TRIM44: variants seen among roughly 807,000 people sequenced by gnomAD.
TRIM44 encodes tripartite motif-containing protein 44.
Under a neutral mutation model 37.4 loss-of-function variants are expected in TRIM44, and 13 were observed. The ratio of observed to expected loss-of-function variants is 0.35; its 90% CI spans 0.23 to 0.55. The LOEUF (loss-of-function observed/expected upper bound fraction) is 0.55, where lower values mean the gene tolerates loss of function less well. TRIM44 is among the 20% of genes least tolerant of loss of function. TRIM44 has a pLI of 0.89. For missense variants in TRIM44, 426 were observed against 437.2 expected, an observed-to-expected ratio of 0.97 and a Z score of 0.23; for synonymous variants, 175 against 157.2, an observed-to-expected ratio of 1.11 and a Z score of -0.85.
At chr11:35,677,922 A>G (rs1407438018) in intron 1 of TRIM44, among the ~76,000 whole-genome samples, 1 of 152,214 alleles carries the variant, frequency 6.6e-6, no homozygotes, top group Admixed American at 6.5e-5. Flanking sequence ...TAAGGATCTG[A>G]GGACTTTTTG....
chr11:35,735,292 G>T, intron 3 of TRIM44, 134 bp from the exon 4 acceptor site: 1 of 821,694 alleles, frequency 1.2e-6, no homozygotes. Context: ...TTAGATGTCT[G>T]TTGGTTTGTC....
rs529493641 is a variant in TRIM44, at chr11:35,710,575, A to G, written c.748-15349A>G. ...ATGGAAGGGAAGGCTAGTTATGGGG[A>G]GATGCCCAGGAAAAGCATAGTAAAC... On this transcript the variant is annotated intron_variant, in intron 2 of 4. Transcript: ENST00000299413. Among the ~76,000 whole-genome samples, 4 of 152,342 alleles carry G rather than the reference A, an allele frequency of 2.6e-5. No homozygotes were observed. The South Asian group carries it at 6.2e-4, about 24-fold the overall frequency.
At chr11:35,685,418 A>G in intron 2 of TRIM44, 82 bp downstream of exon 2, 3 of 1,157,336 alleles carry the variant, frequency 2.6e-6, no homozygotes, top group Non-Finnish European at 2.6e-6. Flanking sequence ...GGTGTTGATG[A>G]TCATCTCTCT....
chr11:35,667,274 TTTACTTA>T (rs1325662917), intron 1 of TRIM44, among the ~76,000 whole-genome samples: 4 of 152,224 alleles, frequency 2.6e-5, no homozygotes, highest in Non-Finnish European at 5.9e-5. Context: ...CATTAATTGA[TTTACTTA>T]TTAAAGTTAA....
At chr11:35,699,439 G>T (rs963946506) in intron 2 of TRIM44, among the ~76,000 whole-genome samples, 2 of 152,082 alleles carry the variant, frequency 1.3e-5, no homozygotes, top group Non-Finnish European at 2.9e-5. Context: ...ATTAGGTATT[G>T]ATGGGACGTA....
At chr11:35,762,744 A>G (rs1852745341) in intron 4 of TRIM44, among the ~76,000 whole-genome samples, 1 of 152,224 alleles carries the variant, frequency 6.6e-6, no homozygotes, top group South Asian at 2.1e-4. Flanking sequence ...CTTTGGGGTT[A>G]GAGGTTCTGG....
chr11:35,710,607 A>G (rs1851957466), intron 2 of TRIM44, among the ~76,000 whole-genome samples: 1 of 152,238 alleles, frequency 6.6e-6, no homozygotes, highest in South Asian at 2.1e-4. Context: ...AAACAAAGGT[A>G]AAGTTTATTA....
At chr11:35,665,291 A>G (rs557376928) in intron 1 of TRIM44, among the ~76,000 whole-genome samples, 1 of 152,260 alleles carries the variant, frequency 6.6e-6, no homozygotes, top group South Asian at 2.1e-4. Context: ...TATCTTCAGT[A>G]ATACTACATG....
chr11:35,789,621 A>G (rs1462124193), intron 4 of TRIM44, among the ~76,000 whole-genome samples: 1 of 152,170 alleles, frequency 6.6e-6, no homozygotes. Context: ...CTCTTAGCCT[A>G]AAAGGCAAGG....
At chr11:35,803,272 T>TAA (rs35125638) in intron 4 of TRIM44, among the ~76,000 whole-genome samples, 2 of 142,392 alleles carry the variant, frequency 1.4e-5, no homozygotes, top group Non-Finnish European at 1.5e-5. Context: ...TTAGTTTATT[T>TAA]AAAAAAAAAA....
rs1853477897 is a variant in TRIM44, at chr11:35,808,080, G to A, written c.*1695G>A. ...CCTATTTATATTATTTTTCAGTCCT[G>A]TGAATGCTGTGAAAAGATTTATTCC... is the stretch of plus-strand genomic sequence containing the variant. On this transcript the variant is annotated 3_prime_UTR_variant, in exon 5 of 5. Transcript: ENST00000299413. The A allele has an allele frequency of 6.6e-6, 1 of 151,894 alleles. No individual in the cohort carries two copies. The highest frequency in any genetic ancestry group is 1.5e-5 in the Non-Finnish European group (1 of 67,992). 9.4% of individuals were successfully genotyped at this position (151,894 alleles called of 1,614,324 possible).
intron 1 of TRIM44, among the ~76,000 whole-genome samples, chr11:35,674,950 A>G (rs921713311): frequency 4.6e-5 from 7 of 152,196 alleles, no homozygotes; most frequent in African/African-American, 1.7e-4. Context: ...GCCTTGAAAG[A>G]TGGGTAGGGT....
In TRIM44 at chr11:35,669,312, A is replaced by AT. The variant is rs1328585844; in HGVS notation, c.669+5538dup. Among the ~76,000 whole-genome samples the AT allele has an allele frequency of 1.8e-4, 27 of 151,784 alleles. No individual in the cohort carries two copies. The East Asian group carries it at 4.3e-3, about 24-fold the overall frequency. On this transcript the variant is annotated intron_variant, in intron 1 of 4. Coordinates refer to ENST00000299413, the MANE Select transcript of TRIM44 (RefSeq NM_017583.6). ...GCCCACATCTTAGAGATTTTCTTTC[A>AT]TTTTTTCCCCCTCTCTGTTTTGTTA...
chr11:35,745,073 T>C (rs953259175), intron 4 of TRIM44, among the ~76,000 whole-genome samples: 1 of 152,186 alleles, frequency 6.6e-6, no homozygotes, highest in Non-Finnish European at 1.5e-5. Flanking sequence ...TATATTCCTT[T>C]GGGTATATGC....
chr11:35,696,947 G>A (rs971499909), intron 2 of TRIM44, among the ~76,000 whole-genome samples: 6 of 151,978 alleles, frequency 3.9e-5, no homozygotes, highest in Admixed American at 3.9e-4. Context: ...GTTCAAGAGA[G>A]AAAGCCAAAT....
chr11:35,810,081 C>T lies in TRIM44; in HGVS notation c.*3696C>T, dbSNP rs1565046315. ...TAAGGCACTGAGTCAAAGTGACAGC[C>T]CTGAAGGAAATTGCACTCCAGCCCT... On this transcript the variant is annotated 3_prime_UTR_variant, in exon 5 of 5. Transcript: ENST00000299413. 6.6e-6 allele frequency: 1 copy of T among 152,016 alleles called. No individual in the cohort carries two copies. The highest frequency in any genetic ancestry group is 1.5e-5 in the Non-Finnish European group (1 of 67,988). 9.4% of individuals were successfully genotyped at this position (152,016 alleles called of 1,614,324 possible).
chr11:35,746,823 C>T (rs919497741), intron 4 of TRIM44, among the ~76,000 whole-genome samples: 8 of 152,132 alleles, frequency 5.3e-5, no homozygotes, highest in African/African-American at 1.9e-4. Flanking sequence ...TGTCTATAAG[C>T]AGGGAGTTCA....
At chr11:35,742,563 T>C (rs1371930519) in intron 4 of TRIM44, among the ~76,000 whole-genome samples, 4 of 132,826 alleles carry the variant, frequency 3.0e-5, no homozygotes, top group African/African-American at 1.1e-4. Context: ...AATTGTATTA[T>C]ATATAATTAT....
intron 4 of TRIM44, among the ~76,000 whole-genome samples, chr11:35,767,750 A>G (rs1285046141): frequency 6.6e-6 from 1 of 152,196 alleles, no homozygotes; most frequent in Non-Finnish European, 1.5e-5. Flanking sequence ...TTTAGTGGAT[A>G]TGACCTTGGG....
Sources: gnomAD v4.1 joint callset for allele counts (sites outside exome capture counted in the v4.1 genomes callset) on GRCh38, gnomAD v4.1.1 for gene constraint, MANE v1.5 for transcripts, NCBI Gene and HGNC (gene_info 2026-07-23, HGNC 2026-07-21) for gene names.